The following KLF15 variants were observed in gnomAD, a reference collection of about 807,000 sequenced individuals.
The protein encoded by KLF15 is KLF transcription factor 15, also known as Krueppel-like factor 15.
KLF15 carries 4 observed loss-of-function variants against 24.6 expected under a neutral mutation model. The observed-to-expected ratio is 0.16, with a 90% CI of 0.08 to 0.37. The LOEUF is 0.37. Among genes scored for constraint, KLF15 ranks in the 10% least tolerant of loss-of-function variants. The pLI is 1.00. For missense variants in KLF15, 496 were observed against 560.6 expected (o/e 0.88, Z 1.16); for synonymous variants, 246 against 236.3 (o/e 1.04, Z -0.37).
chr3:126,301,259 GC>G, the KLF15 span, among the ~76,000 whole-genome samples: 51,855 of 151,996 alleles, frequency 0.34, 9,615 homozygotes, highest in Non-Finnish European at 0.43. Context: ...TGAGAGCAAA[GC>G]AGAACATCAC....
chr3:126,308,542 G>C, the KLF15 span, among the ~76,000 whole-genome samples: 14 of 152,168 alleles, frequency 9.2e-5, no homozygotes, highest in Non-Finnish European at 1.0e-4. Context: ...CCTCAAGTGC[G>C]ACCCTGGCGC....
intron 2 of KLF15, among the ~76,000 whole-genome samples, chr3:126,348,437 C>T (rs878866187): frequency 1.3e-5 from 2 of 152,078 alleles, no homozygotes; most frequent in Admixed American, 6.6e-5. Flanking sequence ...GCACACATGG[C>T]GACTCTGATA....
At chr3:126,354,968 C>A (rs1394594781) in intron 1 of KLF15, among the ~76,000 whole-genome samples, 1 of 152,242 alleles carries the variant, frequency 6.6e-6, no homozygotes, top group Non-Finnish European at 1.5e-5. Context: ...ACTAAGCACC[C>A]CCCTCAGGAT....
At position 126,352,206 on chromosome 3, in the gene KLF15, AGGG is replaced by A. The variant is rs771094393; in HGVS notation, c.714_716del (p.Pro239del). The A allele has an allele frequency of 3.9e-6, 6 of 1,548,718 alleles. No homozygotes were observed. The African/African-American group carries it at 5.5e-5, about 14-fold the overall frequency. On this transcript the variant is annotated inframe_deletion, in exon 2 of 3. Transcript: ENST00000296233. Reference sequence around the variant, plus strand: ...CCTTGACATTCTCTGGGGCTTGCCCAGGGGAGGCAGGCCCTGTGCCCGATTCCT... The same window carrying A: ...CCTTGACATTCTCTGGGGCTTGCCCAGAGGCAGGCCCTGTGCCCGATTCCT...
Position 126,356,860 on chromosome 3 carries a change from C to T in KLF15, c.-26+377G>A, listed in dbSNP as rs962327786. On this transcript the variant is annotated intron_variant, in intron 1 of 2. Transcript: ENST00000296233. The surrounding 1 kb of genome is among the most constrained non-coding windows in gnomAD (Gnocchi z 4.4). ...AGTAACCCCTCCGTCTCCAGCCCCT[C>T]CGCCCCCCAACCCCGGGCTGGCCAG... Among the ~76,000 whole-genome samples, 2 of 151,918 alleles carry T rather than the reference C, an allele frequency of 1.3e-5. No homozygotes were observed. Among genetic ancestry groups the T allele is most frequent in the Non-Finnish European group, 2.9e-5 (2 of 67,942 alleles).
At chr3:126,337,614 T>C in the KLF15 span, among the ~76,000 whole-genome samples, 2 of 151,960 alleles carry the variant, frequency 1.3e-5, no homozygotes, top group Non-Finnish European at 2.9e-5. Context: ...CTGTATTCGT[T>C]GAGAAGAAAT....
At chr3:126,292,692 G>A in the KLF15 span, among the ~76,000 whole-genome samples, 2 of 152,052 alleles carry the variant, frequency 1.3e-5, no homozygotes, top group African/African-American at 4.8e-5. Context: ...TGGGGGAGGT[G>A]TCCATGGGGT....
chr3:126,343,987 T>C, intron 2 of KLF15, 92 bp from the exon 3 acceptor site: 1 of 1,342,060 alleles, frequency 7.5e-7, no homozygotes, highest in Non-Finnish European at 9.9e-7. Flanking sequence ...GGCGTGCACC[T>C]GGCACTCACC....
chr3:126,355,597 C>G (rs934808558), intron 1 of KLF15, among the ~76,000 whole-genome samples: 1 of 152,250 alleles, frequency 6.6e-6, no homozygotes, highest in African/African-American at 2.4e-5. Flanking sequence ...GGGAAACTAT[C>G]TTGGTGATGT....
At chr3:126,344,836 A>G (rs922223980) in intron 2 of KLF15, among the ~76,000 whole-genome samples, 9 of 152,294 alleles carry the variant, frequency 5.9e-5, no homozygotes, top group Non-Finnish European at 1.2e-4. Flanking sequence ...GGCTCCCGAC[A>G]TTTCGCTTTC....
the KLF15 span, among the ~76,000 whole-genome samples, chr3:126,322,476 C>T: frequency 2.0e-5 from 3 of 152,178 alleles, no homozygotes; most frequent in Non-Finnish European, 4.4e-5. Context: ...GTTCCTCCTA[C>T]TGCCCCTCGC....
the KLF15 span, among the ~76,000 whole-genome samples, chr3:126,334,243 A>G: frequency 6.6e-6 from 1 of 151,926 alleles, no homozygotes; most frequent in African/African-American, 2.4e-5. Flanking sequence ...CAGTGCGATC[A>G]AACTAGAACT....
chr3:126,341,302 A>C (rs2082477662), downstream of KLF15, among the ~76,000 whole-genome samples: 1 of 152,198 alleles, frequency 6.6e-6, no homozygotes, highest in Admixed American at 6.5e-5. Context: ...ACACACACCC[A>C]GGGGAGGTGA....
chr3:126,290,468 A>C, the KLF15 span, among the ~76,000 whole-genome samples: 1 of 151,860 alleles, frequency 6.6e-6, no homozygotes, highest in African/African-American at 2.4e-5. Flanking sequence ...TGTTTGCCCT[A>C]TTAGGGTGCC....
the KLF15 span, among the ~76,000 whole-genome samples, chr3:126,291,881 C>G: frequency 6.6e-6 from 1 of 152,232 alleles, no homozygotes; most frequent in Non-Finnish European, 1.5e-5. Context: ...GTGATCCCTG[C>G]TCCTTGCCGG....
chr3:126,351,316 C>G (rs1309726984), intron 2 of KLF15, among the ~76,000 whole-genome samples: 1 of 152,226 alleles, frequency 6.6e-6, no homozygotes, highest in Non-Finnish European at 1.5e-5. Flanking sequence ...GAAGCTAGTC[C>G]CACTGGTTGG....
Position 126,343,572 on chromosome 3 carries a change from G to A in KLF15, c.*155C>T, listed in dbSNP as rs1208048577. On this transcript the variant is annotated 3_prime_UTR_variant, in exon 3 of 3. Coordinates refer to ENST00000296233, the MANE Select transcript of KLF15 (RefSeq NM_014079.4). ...TCTAAGTACTCCCGAGAAAGGCAGC[G>A]GTTGGCGGGCCCTGGGTTCACACCT... The A allele has an allele frequency of 5.6e-6, 4 of 713,222 alleles. No homozygotes were observed. The highest frequency in any genetic ancestry group is 1.8e-5 in the African/African-American group (1 of 54,480). 44.2% of individuals were successfully genotyped at this position (713,222 alleles called of 1,614,324 possible).
At chr3:126,322,236 A>G in the KLF15 span, among the ~76,000 whole-genome samples, 3 of 115,160 alleles carry the variant, frequency 2.6e-5, no homozygotes, top group Admixed American at 8.0e-5. Context: ...TTGGGAACTT[A>G]AAACAACACT....
At chr3:126,321,323 T>C in the KLF15 span, among the ~76,000 whole-genome samples, 1 of 152,112 alleles carries the variant, frequency 6.6e-6, no homozygotes, top group Admixed American at 6.5e-5. Flanking sequence ...AATATGTCAT[T>C]GACAAATGAG....
Sources: allele counts gnomAD v4.1 joint callset (sites outside exome capture counted in the v4.1 genomes callset), GRCh38; gene constraint gnomAD v4.1.1; non-coding constraint Gnocchi (gnomAD v3.1); transcripts MANE v1.5; gene names NCBI Gene and HGNC (gene_info 2026-07-23, HGNC 2026-07-21).